Variants in DESI1 observed in about 807,000 individuals in gnomAD.
DESI1 encodes the protein desumoylating isopeptidase 1, also known as PPPDE peptidase domain containing 2.
A neutral mutation model predicts 22.4 loss-of-function variants in DESI1; 17 were observed. The ratio of observed to expected loss-of-function variants is 0.76; its 90% CI spans 0.52 to 1.14. DESI1 has a LOEUF of 1.14. DESI1 is among the 50% of genes most tolerant of loss of function. The pLI is 0.00. For missense variants in DESI1, 177 were observed against 208.9 expected, an observed-to-expected ratio of 0.85 and a Z score of 0.94; for synonymous variants, 92 against 84.2, an observed-to-expected ratio of 1.09 and a Z score of -0.51.
intron 1 of DESI1, among the ~76,000 whole-genome samples, chr22:41,610,513 A>C (rs949965075): frequency 1.3e-4 from 20 of 152,176 alleles, no homozygotes; most frequent in Non-Finnish European, 2.5e-4. Context: ...TAGTGTTCCC[A>C]GGCTAAATGG....
intron 1 of DESI1, among the ~76,000 whole-genome samples, chr22:41,616,869 C>T (rs1202247839): frequency 6.6e-6 from 1 of 152,100 alleles, no homozygotes; most frequent in East Asian, 1.9e-4. Flanking sequence ...GGGGAATTAC[C>T]TTGGGCTTTA....
intron 1 of DESI1, among the ~76,000 whole-genome samples, chr22:41,610,316 T>C (rs963844904): frequency 3.3e-5 from 5 of 150,596 alleles, no homozygotes; most frequent in African/African-American, 1.2e-4. Flanking sequence ...GAGGTGGAGG[T>C]TGCAGTGAGC....
At position 41,598,700 on chromosome 22, in the gene DESI1, G is replaced by A. The variant is rs564632147; in HGVS notation, c.*2397C>T. The A allele has an allele frequency of 2.0e-5, 3 of 152,502 alleles. No individual in the cohort carries two copies. The highest frequency in any genetic ancestry group is 7.2e-5 in the African/African-American group (3 of 41,566). The allele number at this position is 152,502 out of a possible 1,614,324, so 9.4% of individuals were successfully genotyped here. ...GATGGAGGGGAGACCCCAGGCAGAG[G>A]GGTCTGGAGCAGGACCCTGGAAGAC... On this transcript the variant is annotated 3_prime_UTR_variant, in exon 6 of 6. Transcript: ENST00000263256.
rs1444258641 is a variant in DESI1 at position 41,599,127 on chromosome 22, G to A, written c.*1970C>T. 1 of 152,282 alleles carries A rather than the reference G, an allele frequency of 6.6e-6. No individual in the cohort carries two copies. Among genetic ancestry groups the A allele is most frequent in the Admixed American group, 6.5e-5 (1 of 15,284 alleles). The allele number at this position is 152,282 out of a possible 1,614,324, so 9.4% of individuals were successfully genotyped here. On this transcript the variant is annotated 3_prime_UTR_variant, in exon 6 of 6. Transcript: ENST00000263256. The stretch of plus-strand genomic sequence containing the variant: ...GCAAAGATAGCAGCAGATGGGGCCA[G>A]AAATGAGCAGCAGCTTTTTGGAGAG...
At chr22:41,617,233 C>T (rs2067556348) in intron 1 of DESI1, among the ~76,000 whole-genome samples, 1 of 152,180 alleles carries the variant, frequency 6.6e-6, no homozygotes, top group South Asian at 2.1e-4. Context: ...CCAGCTCTAC[C>T]ACCTAGTAGC....
At chr22:41,614,327 C>T (rs897190878) in intron 1 of DESI1, among the ~76,000 whole-genome samples, 1 of 152,152 alleles carries the variant, frequency 6.6e-6, no homozygotes, top group East Asian at 1.9e-4. Flanking sequence ...TTAACCACTG[C>T]ACCCAGCCTG....
At chr22:41,607,479 G>T in intron 2 of DESI1, 148 bp from the exon 3 acceptor site, 1 of 727,664 alleles carries the variant, frequency 1.4e-6, no homozygotes, top group Middle Eastern at 2.4e-4. Flanking sequence ...GTATGAATAT[G>T]ATAAATACCA....
intron 4 of DESI1, 144 bp from the exon 5 acceptor site, chr22:41,603,525 C>T (rs2067461556): frequency 7.6e-7 from 1 of 1,314,046 alleles, no homozygotes; most frequent in South Asian, 1.4e-5. Flanking sequence ...AAAAGCACTG[C>T]TTATTTGCCA....
chr22:41,602,781 G>A lies in DESI1; in HGVS notation c.413+478C>T, dbSNP rs569288785. On this transcript the variant is annotated intron_variant, in intron 5 of 5. Coordinates refer to ENST00000263256, the MANE Select transcript of DESI1 (RefSeq NM_015704.3). ...TTGAAGAAAACATCTGTTGAAGACT[G>A]TGCTGTAATACATGAGGGCAAGTAG... 4.9e-6 allele frequency: 5 copies of A among 1,024,352 alleles called. No homozygotes were observed. In the South Asian group the frequency reaches 1.5e-4, roughly 31 times the overall value. 63.5% of individuals were successfully genotyped at this position (1,024,352 alleles called of 1,614,324 possible). A position where few individuals can be genotyped will look rare whatever the true frequency, so the allele number is the denominator to read the frequency against.
intron 1 of DESI1, among the ~76,000 whole-genome samples, 195 bp downstream of exon 1, chr22:41,620,557 G>A (rs953962260): frequency 6.6e-6 from 1 of 152,216 alleles, no homozygotes; most frequent in Non-Finnish European, 1.5e-5. Flanking sequence ...CAAACGTGAG[G>A]ATGGTATCTG....
intron 5 of DESI1, chr22:41,602,467 G>A: frequency 8.1e-6 from 8 of 985,452 alleles, no homozygotes; most frequent in Non-Finnish European, 9.6e-6. Flanking sequence ...GCTCTTCCTG[G>A]GAGGTGCTTC....
chr22:41,601,867 C>G (rs2147036761), intron 5 of DESI1: 1 of 152,394 alleles, frequency 6.6e-6, no homozygotes, highest in Middle Eastern at 3.4e-3. Context: ...GCGTGTGCCA[C>G]TGCGCCTGGC....
At chr22:41,616,525 A>AACACACACACACACAC (rs55785001) in intron 1 of DESI1, among the ~76,000 whole-genome samples, 3 of 146,604 alleles carry the variant, frequency 2.0e-5, no homozygotes, top group South Asian at 4.4e-4. Flanking sequence ...CCACAATTAA[A>AACACACACACACACAC]ACACACACAC....
intron 1 of DESI1, among the ~76,000 whole-genome samples, chr22:41,608,612 C>T (rs1281924939): frequency 1.3e-5 from 2 of 152,106 alleles, no homozygotes; most frequent in Admixed American, 1.3e-4. Context: ...GTGATGGTGC[C>T]AAGGGGAGGA....
intron 1 of DESI1, among the ~76,000 whole-genome samples, chr22:41,618,721 T>TA (rs1227784427): frequency 6.6e-6 from 1 of 151,986 alleles, no homozygotes; most frequent in Non-Finnish European, 1.5e-5. Context: ...CTCACTATGA[T>TA]AAAAAAACAA....
intron 3 of DESI1, among the ~76,000 whole-genome samples, chr22:41,605,404 A>G (rs2067473431): frequency 6.6e-6 from 1 of 152,210 alleles, no homozygotes; most frequent in Non-Finnish European, 1.5e-5. Context: ...AAGCAACGGG[A>G]TCAGCAGGAG....
Position 41,604,103 on chromosome 22 carries a change from T to C in DESI1, c.231A>G (p.Thr77=). 1 of 1,614,050 alleles carries C rather than the reference T, an allele frequency of 6.2e-7. No homozygotes were observed. Residue 77 remains threonine (T), a synonymous_variant, in exon 4 of 6, where the codon ACA becomes ACG. Coordinates refer to ENST00000263256, the MANE Select transcript of DESI1 (RefSeq NM_015704.3). ...PPDSVVDVGS[T]EVTEEIFLEY... is the part of the protein sequence containing the mutation. ...CCAGAAAGATTTCTTCTGTGACTTC[T>C]GTACTCCCCACATCAACCACAGAGT...
At chr22:41,605,765 A>T (rs778314539) in intron 3 of DESI1, among the ~76,000 whole-genome samples, 6 of 152,202 alleles carry the variant, frequency 3.9e-5, no homozygotes, top group Non-Finnish European at 7.3e-5. Context: ...CCCCTTAACC[A>T]GTATATAATT....
Position 41,603,379 on chromosome 22 carries a change from CCT to C in DESI1, c.291_292del (p.Gly98Ter). On this transcript the variant is annotated frameshift_variant and splice_region_variant, in exon 5 of 6. Transcript: ENST00000263256. LOFTEE classifies it high-confidence loss of function. ...GTGTTCAAAGAGGTTGTAGGCCTCA[CCT>C]CTGTACATTGAAAGGTTTGCAGAAC... is the stretch of plus-strand genomic sequence containing the variant. 1 of 1,614,206 alleles carries C rather than the reference CCT, an allele frequency of 6.2e-7. No homozygotes were observed. Among genetic ancestry groups the C allele is most frequent in the Non-Finnish European group, 8.5e-7 (1 of 1,180,040 alleles).
Sources: gnomAD v4.1 joint callset for allele counts (sites outside exome capture counted in the v4.1 genomes callset) on GRCh38, gnomAD v4.1.1 for gene constraint, MANE v1.5 for transcripts, NCBI Gene and HGNC (gene_info 2026-07-23, HGNC 2026-07-21) for gene names.